Variants in GALNT17 observed in about 807,000 individuals in gnomAD.
GALNT17 encodes polypeptide N-acetylgalactosaminyltransferase 17.
In GALNT17, 29 loss-of-function variants were observed where a neutral mutation model predicts 63.7. The ratio of observed to expected loss-of-function variants is 0.46; its 90% CI spans 0.34 to 0.62. The LOEUF (loss-of-function observed/expected upper bound fraction) is 0.62. Ranked by LOEUF, GALNT17 falls within the 20% of genes least tolerant of loss-of-function variation. The pLI, the probability that GALNT17 is intolerant of heterozygous loss-of-function variation, is 0.01. For synonymous variants in GALNT17, 305 were observed against 318.3 expected, an observed-to-expected ratio of 0.96 and a Z score of 0.45; for missense variants, 603 against 799.6, an observed-to-expected ratio of 0.75 and a Z score of 2.97.
chr7:71,255,590 T>A (rs996940263), intron 1 of GALNT17, among the ~76,000 whole-genome samples: 31 of 152,230 alleles, frequency 2.0e-4, no homozygotes, highest in African/African-American at 7.2e-4. Context: ...TAGTGCAAAT[T>A]TCCTGCATAA....
intron 5 of GALNT17, among the ~76,000 whole-genome samples, chr7:71,473,261 T>G (rs1787671026): frequency 6.6e-6 from 1 of 152,310 alleles, no homozygotes; most frequent in African/African-American, 2.4e-5. Flanking sequence ...GGTGGCAGGC[T>G]TCAGAGAGAA....
intron 1 of GALNT17, among the ~76,000 whole-genome samples, chr7:71,212,762 T>C (rs535842600): frequency 6.6e-6 from 1 of 152,310 alleles, no homozygotes; most frequent in South Asian, 2.1e-4. Context: ...TGGACTGCCC[T>C]GCTCGATTTC....
intron 6 of GALNT17, among the ~76,000 whole-genome samples, chr7:71,576,567 T>TGTGTG (rs1562697675): frequency 1.4e-5 from 1 of 71,944 alleles, no homozygotes; most frequent in African/African-American, 5.0e-5. Flanking sequence ...GTGTGTGTGT[T>TGTGTG]TTGTTTGTTT....
chr7:71,415,847 A>G, intron 3 of GALNT17, 42 bp from the exon 4 acceptor site: 1 of 1,511,474 alleles, frequency 6.6e-7, no homozygotes, highest in Non-Finnish European at 8.9e-7. Flanking sequence ...CAAATTTGAA[A>G]TGACATGTTT....
chr7:71,135,909 T>C (rs979166496), intron 1 of GALNT17, among the ~76,000 whole-genome samples: 2 of 152,154 alleles, frequency 1.3e-5, no homozygotes, highest in African/African-American at 4.8e-5. Context: ...TTTTCCTGAC[T>C]TGCAAGTTGG....
intron 5 of GALNT17, among the ~76,000 whole-genome samples, chr7:71,545,110 C>T (rs1788960835): frequency 6.6e-6 from 1 of 152,120 alleles, no homozygotes; most frequent in African/African-American, 2.4e-5. Context: ...TTTTCCATCT[C>T]TTTAATGCAC....
At chr7:71,205,152 C>CTTTTTTTTTTTTTTTTTTTTTTTTTAT (rs759200277) in intron 1 of GALNT17, among the ~76,000 whole-genome samples, 3 of 115,032 alleles carry the variant, frequency 2.6e-5, no homozygotes, top group Non-Finnish European at 5.2e-5. Context: ...TTACTTTTTA[C>CTTTTTTTTTTTTTTTTTTTTTTTTTAT]TTTTTTTTTT....
intron 5 of GALNT17, among the ~76,000 whole-genome samples, chr7:71,514,404 G>T (rs111943442): frequency 1.1e-3 from 163 of 152,152 alleles, no homozygotes; most frequent in African/African-American, 3.6e-3. Context: ...CATAAACAGT[G>T]GGGGGTGGAG....
chr7:71,483,504 C>T (rs1364096207), intron 5 of GALNT17, among the ~76,000 whole-genome samples: 1 of 151,742 alleles, frequency 6.6e-6, no homozygotes, highest in Non-Finnish European at 1.5e-5. Flanking sequence ...ATGTGAAGGC[C>T]TAGAACATTA....
rs1787629239 is a variant in GALNT17 at position 71,471,411 on chromosome 7, AAAAC to A, written c.962+50310_962+50313del. Among the ~76,000 whole-genome samples, 4 of 149,558 alleles carry A rather than the reference AAAAC, an allele frequency of 2.7e-5. No individual in the cohort carries two copies. The South Asian group carries it at 8.5e-4, about 32-fold the overall frequency. On this transcript the variant is annotated intron_variant, in intron 5 of 10. Transcript: ENST00000333538. ...CATTTTTTTTTTCCAAAAAAAAAAA[AAAAC>A]AAAAAAAACCAAAAACCATATTTGG...
chr7:71,702,011 C>T (rs926819792), intron 9 of GALNT17, among the ~76,000 whole-genome samples: 1 of 150,766 alleles, frequency 6.6e-6, no homozygotes, highest in Non-Finnish European at 1.5e-5. Flanking sequence ...AGCTGGAGGC[C>T]ATTATCCTAA....
chr7:71,453,695 A>G (rs1427519834), intron 5 of GALNT17, among the ~76,000 whole-genome samples: 3 of 152,230 alleles, frequency 2.0e-5, no homozygotes, highest in Non-Finnish European at 2.9e-5. Context: ...TATCCTGTGT[A>G]TGTCAGATAG....
intron 3 of GALNT17, among the ~76,000 whole-genome samples, chr7:71,412,237 C>A (rs563976303): frequency 1.3e-5 from 2 of 152,100 alleles, no homozygotes; most frequent in East Asian, 3.9e-4. Context: ...CCCGGGAGGT[C>A]GAGGCTGCAG....
intron 1 of GALNT17, among the ~76,000 whole-genome samples, chr7:71,251,475 T>C (rs1790196259): frequency 6.6e-6 from 1 of 152,068 alleles, no homozygotes; most frequent in African/African-American, 2.4e-5. Flanking sequence ...AGTGGCACTA[T>C]CATAATTCAT....
chr7:71,685,365 G>C (rs1791336256), intron 9 of GALNT17: 1 of 152,194 alleles, frequency 6.6e-6, no homozygotes, highest in Admixed American at 6.6e-5. Context: ...CTGACCCAGT[G>C]AACCCTCTGG....
At chr7:71,274,442 G>A (rs1790648705) in intron 1 of GALNT17, among the ~76,000 whole-genome samples, 8 of 151,902 alleles carry the variant, frequency 5.3e-5, no homozygotes, top group South Asian at 4.2e-4. Flanking sequence ...ACCACACCTG[G>A]CCAATTTTAA....
intron 1 of GALNT17, among the ~76,000 whole-genome samples, chr7:71,133,270 G>A (rs113726859): frequency 6.6e-6 from 1 of 152,166 alleles, no homozygotes; most frequent in Non-Finnish European, 1.5e-5. Context: ...GTTTTATCCT[G>A]GAAACATGTC....
intron 1 of GALNT17, among the ~76,000 whole-genome samples, chr7:71,262,790 C>G (rs539506049): frequency 1.4e-3 from 217 of 150,926 alleles, no homozygotes; most frequent in African/African-American, 5.2e-3. Flanking sequence ...AAGTGATCCT[C>G]CCACCTGAGC....
At chr7:71,570,983 CA>C (rs1789431680) in intron 5 of GALNT17, among the ~76,000 whole-genome samples, 1 of 151,756 alleles carries the variant, frequency 6.6e-6, no homozygotes, top group Non-Finnish European at 1.5e-5. Context: ...CGACTCAAAA[CA>C]AAAACAAAAA....
Sources: gnomAD v4.1 joint callset for allele counts (sites outside exome capture counted in the v4.1 genomes callset) on GRCh38, gnomAD v4.1.1 for gene constraint, MANE v1.5 for transcripts, NCBI Gene and HGNC (gene_info 2026-07-23, HGNC 2026-07-21) for gene names.